The following MTOR variants were observed in gnomAD, a reference collection of about 807,000 sequenced individuals.
MTOR encodes the protein mechanistic target of rapamycin kinase, also known as serine/threonine-protein kinase mTOR.
MTOR carries 70 observed loss-of-function variants against 319.8 expected under a neutral mutation model. The observed-to-expected ratio is 0.22, with a 90% CI of 0.18 to 0.27. MTOR has a LOEUF of 0.27. MTOR is among the 10% of genes least tolerant of loss of function. MTOR has a pLI of 1.00. For synonymous variants in MTOR, 1,183 were observed against 1,211.4 expected (o/e 0.98, Z 0.49); for missense variants, 1,890 against 3,274.4 (o/e 0.58, Z 10.32).
chr1:11,143,952 T>G (rs1643831937), intron 34 of MTOR: 1 of 152,148 alleles, frequency 6.6e-6, no homozygotes, highest in Non-Finnish European at 1.5e-5. Flanking sequence ...CTCCCAGACC[T>G]GGAGTGACAG....
At position 11,130,630 on chromosome 1, in the gene MTOR, CAGTGGCGGCCGT is replaced by C. The variant is rs774780318; in HGVS notation, c.5500_5511del (p.Thr1834_Thr1837del). On this transcript the variant is annotated inframe_deletion, in exon 39 of 58. Coordinates refer to ENST00000361445, the MANE Select transcript of MTOR (RefSeq NM_004958.4). The stretch of plus-strand genomic sequence containing the variant: ...CCCTCGGTGCTGGCAGTGGTGGTGG[CAGTGGCGGCCGT>C]GGTGGCGGCAGTGGTGGCGTTGGTG... The C allele has an allele frequency of 1.2e-5, 19 of 1,613,682 alleles. No individual in the cohort carries two copies. The highest frequency in any genetic ancestry group is 1.7e-5 in the Admixed American group (1 of 59,960).
chr1:11,164,000 T>C (rs1644557893), intron 29 of MTOR, among the ~76,000 whole-genome samples: 1 of 151,864 alleles, frequency 6.6e-6, no homozygotes, highest in Non-Finnish European at 1.5e-5. Flanking sequence ...CAGGAGCTGG[T>C]TTTTTGAAAA....
At chr1:11,216,653 TA>T (rs34042645) in intron 19 of MTOR, among the ~76,000 whole-genome samples, 74,919 of 133,996 alleles carry the variant, frequency 0.56, 23,677 homozygotes, top group East Asian at 0.78. Flanking sequence ...CCCTGTCTCT[TA>T]AAAAAAAAAA....
intron 28 of MTOR, among the ~76,000 whole-genome samples, chr1:11,171,689 A>G (rs888723750): frequency 6.6e-6 from 1 of 152,102 alleles, no homozygotes; most frequent in African/African-American, 2.4e-5. Context: ...AGGACTGACC[A>G]GCATAGCTTT....
intron 29 of MTOR, among the ~76,000 whole-genome samples, chr1:11,163,362 C>T (rs1055077641): frequency 6.6e-6 from 1 of 152,156 alleles, no homozygotes; most frequent in African/African-American, 2.4e-5. Flanking sequence ...CCACTGTCAA[C>T]ATTAGACAGA....
chr1:11,190,668 T>C (rs1365692673), intron 28 of MTOR, among the ~76,000 whole-genome samples: 1 of 152,210 alleles, frequency 6.6e-6, no homozygotes, highest in Non-Finnish European at 1.5e-5. Flanking sequence ...TTTTGCAAAA[T>C]AACTTTTATT....
rs1420180798 is a variant in MTOR, at chr1:11,109,084, TTAAAC to T, written c.7528+201_7528+205del. Among the ~76,000 whole-genome samples the T allele has an allele frequency of 6.6e-6, 1 of 152,184 alleles. No homozygotes were observed. The highest frequency in any genetic ancestry group is 1.5e-5 in the Non-Finnish European group (1 of 68,022). Reference sequence around the variant, plus strand: ...TATTCACCTCCTGAGTTAAATGAGATTAAACTAACATTAAGTACTGTTATCAGTCA... The same window carrying T: ...TATTCACCTCCTGAGTTAAATGAGATTAACATTAAGTACTGTTATCAGTCA... On this transcript the variant is annotated intron_variant, in intron 56 of 57. Coordinates refer to ENST00000361445, the MANE Select transcript of MTOR (RefSeq NM_004958.4). This position sits in a 1 kb window ranked among gnomAD's most constrained non-coding sequence, Gnocchi z 4.0.
rs775648236 is a variant in MTOR, at chr1:11,210,940, C to T, written c.3562-34G>A. On this transcript the variant is annotated intron_variant, in intron 23 of 57. Transcript: ENST00000361445. Reference sequence around the variant, plus strand: ...GGAGGGGGAAGAGATGAGAAACTATCATTTTGGAGAGTGGAGAAAAAGTAG... The same window carrying T: ...GGAGGGGGAAGAGATGAGAAACTATTATTTTGGAGAGTGGAGAAAAAGTAG... 34 of 1,340,302 alleles carry T rather than the reference C, an allele frequency of 2.5e-5. No individual in the cohort carries two copies. The South Asian group carries it at 3.4e-4, about 13-fold the overall frequency. The allele number at this position is 1,340,302 out of a possible 1,614,324, so 83.0% of individuals were successfully genotyped here.
At chr1:11,125,890 A>C (rs894731534) in intron 46 of MTOR, among the ~76,000 whole-genome samples, 1 of 151,540 alleles carries the variant, frequency 6.6e-6, no homozygotes. Context: ...AAAATACAAA[A>C]ATTAGCTAGG....
intron 28 of MTOR, among the ~76,000 whole-genome samples, chr1:11,180,132 T>C (rs1279566211): frequency 6.6e-6 from 1 of 152,192 alleles, no homozygotes; most frequent in Non-Finnish European, 1.5e-5. Flanking sequence ...CTTGAACTCC[T>C]GGCTTCAAGC....
At chr1:11,237,749 C>T in intron 13 of MTOR, 94 bp downstream of exon 13, 1 of 1,365,782 alleles carries the variant, frequency 7.3e-7, no homozygotes, top group East Asian at 2.4e-5. Flanking sequence ...AATCTTTCTC[C>T]CCCATCCTTG....
intron 8 of MTOR, among the ~76,000 whole-genome samples, chr1:11,243,604 C>T (rs1399707906): frequency 6.6e-6 from 1 of 151,192 alleles, no homozygotes; most frequent in African/African-American, 2.4e-5. Context: ...AGGAGGATCA[C>T]TTGAGCCCAG....
At chr1:11,243,687 C>CAA (rs796569153) in intron 8 of MTOR, among the ~76,000 whole-genome samples, 9 of 85,630 alleles carry the variant, frequency 1.1e-4, no homozygotes, top group Admixed American at 2.6e-4. Context: ...GAGCCTGTCT[C>CAA]AAAAAAAAAA....
chr1:11,251,160 G>GC (rs35501739), intron 6 of MTOR, among the ~76,000 whole-genome samples: 92,929 of 151,936 alleles, frequency 0.61, 31,461 homozygotes, highest in East Asian at 0.87. Flanking sequence ...TATGTGATAT[G>GC]CCCCTCCTTC....
chr1:11,131,262 G>C (rs1570950318), intron 38 of MTOR: 1 of 174,456 alleles, frequency 5.7e-6, no homozygotes, highest in East Asian at 1.6e-4. Flanking sequence ...CCAGAGATGT[G>C]CAGATTGGTT....
rs2100974917 is a variant in MTOR at position 11,256,063 on chromosome 1, C to A, written c.634G>T (p.Ala212Ser). Residue 212 changes from alanine to serine, a missense_variant, in exon 5 of 58, where the codon GCC becomes TCC. Transcript: ENST00000361445. Reference sequence around the variant, plus strand: ...GTGAGAATCAGACAGGCACGAAGGGCGGCTACAGCTCCCTCACGGATGGCC... The same window carrying A: ...GTGAGAATCAGACAGGCACGAAGGGAGGCTACAGCTCCCTCACGGATGGCC... ...KQAIREGAVA[A>S]LRACLILTTQ... The A allele has an allele frequency of 6.2e-7, 1 of 1,614,154 alleles. No homozygotes were observed. The highest frequency in any genetic ancestry group is 8.5e-7 in the Non-Finnish European group (1 of 1,180,040).
chr1:11,245,384 AACCAC>A (rs1297190565), intron 8 of MTOR, among the ~76,000 whole-genome samples: 1 of 152,224 alleles, frequency 6.6e-6, no homozygotes, highest in African/African-American at 2.4e-5. Flanking sequence ...AAGCTACCAG[AACCAC>A]ATTTAGACAA....
intron 13 of MTOR, among the ~76,000 whole-genome samples, chr1:11,237,444 C>CGG: frequency 6.6e-6 from 1 of 152,212 alleles, no homozygotes; most frequent in Non-Finnish European, 1.5e-5. Context: ...TGAAGAACAA[C>CGG]GGCCTCCGTG....
chr1:11,109,765 A>G lies in MTOR; in HGVS notation c.7367-36T>C. On this transcript the variant is annotated intron_variant, in intron 54 of 57. Transcript: ENST00000361445. The surrounding 1 kb of genome is among the most constrained non-coding windows in gnomAD (Gnocchi z 4.0). Reference sequence around the variant, plus strand: ...AGAAATCAATTAACAGAAAATTCAAACACCAAAAAGCCACTGTTGGTGTTA... The same window carrying G: ...AGAAATCAATTAACAGAAAATTCAAGCACCAAAAAGCCACTGTTGGTGTTA... 1 of 1,592,172 alleles carries G rather than the reference A, an allele frequency of 6.3e-7. No homozygotes were observed. Among genetic ancestry groups the G allele is most frequent in the Non-Finnish European group, 8.6e-7 (1 of 1,160,012 alleles).
Sources: allele counts gnomAD v4.1 joint callset (sites outside exome capture counted in the v4.1 genomes callset), GRCh38; gene constraint gnomAD v4.1.1; non-coding constraint Gnocchi (gnomAD v3.1); transcripts MANE v1.5; gene names NCBI Gene and HGNC (gene_info 2026-07-23, HGNC 2026-07-21).